LNX1: variants seen among roughly 807,000 people sequenced by gnomAD.
LNX1 encodes the protein E3 ubiquitin-protein ligase LNX.
Under a neutral mutation model 68.4 loss-of-function variants are expected in LNX1, and 54 were observed. That is an observed-to-expected ratio of 0.79 (90% CI 0.63 to 0.99). LNX1 has a LOEUF of 0.99. Among genes scored for constraint, LNX1 ranks in the 50% least tolerant of loss-of-function variants. The probability of loss-of-function intolerance (pLI) is 0.00; values close to 1 mark genes in which losing one functional copy is unlikely to be tolerated. For missense variants in LNX1, 906 were observed against 926.4 expected (o/e 0.98, Z 0.29); for synonymous variants, 336 against 350.0 (o/e 0.96, Z 0.45).
chr4:53,561,735 C>T (rs897986495), intron 2 of LNX1, among the ~76,000 whole-genome samples: 6 of 152,170 alleles, frequency 3.9e-5, no homozygotes, highest in African/African-American at 1.4e-4. Context: ...GGGCCAATTA[C>T]ATCACGTTTT....
chr4:53,558,416 C>G (rs1730076839), intron 2 of LNX1: 1 of 336,324 alleles, frequency 3.0e-6, no homozygotes, highest in African/African-American at 2.2e-5. Flanking sequence ...AGCTGCCCTC[C>G]AGTTTGCTAT....
chr4:53,597,170 C>A (rs1037042175), intron 2 of LNX1, among the ~76,000 whole-genome samples: 4 of 152,172 alleles, frequency 2.6e-5, no homozygotes, highest in Non-Finnish European at 5.9e-5. Context: ...CCTATGTATG[C>A]TTTGCAATGC....
chr4:53,598,617 G>T (rs533932936), intron 2 of LNX1, among the ~76,000 whole-genome samples: 2 of 152,188 alleles, frequency 1.3e-5, no homozygotes, highest in South Asian at 2.1e-4. Context: ...GACTTAGCCT[G>T]GTATCTGGAA....
intron 5 of LNX1, among the ~76,000 whole-genome samples, chr4:53,498,029 T>A (rs908878234): frequency 1.3e-5 from 2 of 152,152 alleles, no homozygotes; most frequent in Non-Finnish European, 1.5e-5. Context: ...TTCTGAAAAT[T>A]CCTCCTTCTC....
intron 9 of LNX1, among the ~76,000 whole-genome samples, chr4:53,463,621 T>C (rs1722379092): frequency 7.7e-6 from 1 of 129,138 alleles, no homozygotes; most frequent in African/African-American, 2.9e-5. Context: ...GCACTCATTC[T>C]CTAAATTTAG....
chr4:53,595,532 T>C (rs1431905336), upstream of LNX1, among the ~76,000 whole-genome samples: 2 of 152,358 alleles, frequency 1.3e-5, no homozygotes, highest in Admixed American at 6.5e-5. Context: ...AACCACATGA[T>C]CTTTCTCTTT....
intron 2 of LNX1, among the ~76,000 whole-genome samples, chr4:53,556,030 T>C (rs1729887691): frequency 1.3e-5 from 2 of 152,160 alleles, no homozygotes; most frequent in Admixed American, 6.6e-5. Context: ...CCCCAAAAGA[T>C]GTCTACCCAG....
intron 9 of LNX1, among the ~76,000 whole-genome samples, chr4:53,466,898 G>A (rs1722732128): frequency 6.6e-6 from 1 of 152,220 alleles, no homozygotes; most frequent in South Asian, 2.1e-4. Flanking sequence ...CTGCTTCTCT[G>A]TAGGCTCCAT....
chr4:53,591,847 G>C (rs912500789), upstream of LNX1: 1 of 152,252 alleles, frequency 6.6e-6, no homozygotes, highest in African/African-American at 2.4e-5. Context: ...TAAAAGGGAA[G>C]TTTAAACACC....
chr4:53,562,306 C>CAA (rs1474504169), intron 2 of LNX1, among the ~76,000 whole-genome samples: 2 of 152,162 alleles, frequency 1.3e-5, no homozygotes, highest in Middle Eastern at 3.2e-3. Context: ...GGCTGCCATT[C>CAA]AACTCAATAA....
intron 2 of LNX1, among the ~76,000 whole-genome samples, chr4:53,568,390 A>C (rs1315856990): frequency 1.3e-5 from 2 of 152,018 alleles, no homozygotes; most frequent in Non-Finnish European, 2.9e-5. Flanking sequence ...AGCCAAAGAC[A>C]AAAACCACAT....
At chr4:53,570,854 C>T (rs1203489353) in intron 2 of LNX1, among the ~76,000 whole-genome samples, 3 of 151,434 alleles carry the variant, frequency 2.0e-5, no homozygotes, top group Admixed American at 6.6e-5. Context: ...AGTGAAAACC[C>T]GTCTCTACTA....
upstream of LNX1, among the ~76,000 whole-genome samples, chr4:53,593,430 G>A (rs758934589): frequency 3.0e-4 from 45 of 152,356 alleles, no homozygotes; most frequent in Non-Finnish European, 6.5e-4. Flanking sequence ...ACAGCCTGGA[G>A]ATCGTGAGGT....
chr4:53,606,066 C>G (rs980503692), intron 2 of LNX1, among the ~76,000 whole-genome samples: 1 of 152,034 alleles, frequency 6.6e-6, no homozygotes, highest in Non-Finnish European at 1.5e-5. Context: ...AACCGACACA[C>G]AGTTAGCAGA....
At chr4:53,606,467 C>T (rs1451926459) in intron 2 of LNX1, among the ~76,000 whole-genome samples, 1 of 108,754 alleles carries the variant, frequency 9.2e-6, no homozygotes, top group African/African-American at 3.4e-5. Context: ...AAAAAACAAA[C>T]AAACAAACAA....
At chr4:53,620,682 G>A (rs1345786834), upstream of LNX1, among the ~76,000 whole-genome samples, 1 of 151,928 alleles carries the variant, frequency 6.6e-6, no homozygotes, top group African/African-American at 2.4e-5. Context: ...AATTGCACTT[G>A]TACCCCATGA....
At chr4:53,602,174 A>G (rs1483679971) in intron 2 of LNX1, among the ~76,000 whole-genome samples, 1 of 152,186 alleles carries the variant, frequency 6.6e-6, no homozygotes, top group African/African-American at 2.4e-5. Flanking sequence ...TACTCTCCGA[A>G]GTGATAAGGG....
intron 2 of LNX1, among the ~76,000 whole-genome samples, chr4:53,600,203 G>C (rs1451885803): frequency 1.3e-5 from 2 of 152,118 alleles, no homozygotes; most frequent in African/African-American, 4.8e-5. Context: ...CTGTCCAATA[G>C]AGTACTCTGT....
intron 1 of LNX1, among the ~76,000 whole-genome samples, chr4:53,587,819 C>T (rs537506597): frequency 2.0e-5 from 3 of 152,278 alleles, no homozygotes; most frequent in Admixed American, 1.3e-4. Context: ...CCGCTGTTTA[C>T]TCACATCACA....
Sources: allele counts gnomAD v4.1 joint callset (sites outside exome capture counted in the v4.1 genomes callset), GRCh38; gene constraint gnomAD v4.1.1; transcripts MANE v1.5; gene names NCBI Gene and HGNC (gene_info 2026-07-23, HGNC 2026-07-21).